The following NCOR2 variants were observed in gnomAD, a reference collection of about 807,000 sequenced individuals.
The protein encoded by NCOR2 is CTG repeat protein 26.
NCOR2 carries 81 observed loss-of-function variants against 262.9 expected under a neutral mutation model. That is an observed-to-expected ratio of 0.31 (90% CI 0.26 to 0.37). The LOEUF (loss-of-function observed/expected upper bound fraction) is 0.37, where lower values mean the gene tolerates loss of function less well. Among genes scored for constraint, NCOR2 ranks in the 10% least tolerant of loss-of-function variants. The pLI, the probability that NCOR2 is intolerant of heterozygous loss-of-function variation, is 1.00. For missense variants in NCOR2, 3,385 were observed against 3,621.4 expected (o/e 0.93, Z 1.68); for synonymous variants, 1,659 against 1,559.3 (o/e 1.06, Z -1.51).
At chr12:124,355,501 G>A in exon 24 of NCOR2, 1 of 1,610,068 alleles carries the variant, frequency 6.2e-7, no homozygotes, top group African/African-American at 1.3e-5. Flanking sequence ...GGGGAGGCGG[G>A]TTGGAGATGG....
chr12:124,354,460 G>C lies in NCOR2; in HGVS notation c.3589+18C>G. 6.7e-7 allele frequency: 1 copy of C among 1,497,300 alleles called. No individual in the cohort carries two copies. Among genetic ancestry groups the C allele is most frequent in the Non-Finnish European group, 8.9e-7 (1 of 1,128,224 alleles). 92.8% of individuals were successfully genotyped at this position (1,497,300 alleles called of 1,614,324 possible). A position where few individuals can be genotyped will look rare whatever the true frequency, so the allele number is the denominator to read the frequency against. On this transcript the variant is annotated intron_variant, in intron 26 of 46. Coordinates refer to ENST00000405201, the Ensembl canonical transcript of NCOR2. Reference sequence around the variant, plus strand: ...AACAGGGGCAGATGCTGGGGGCCCAGGGCAGAAGGGCCCTCACCTCTCAGC... The same window carrying C: ...AACAGGGGCAGATGCTGGGGGCCCACGGCAGAAGGGCCCTCACCTCTCAGC...
chr12:124,425,882 G>A (rs2043513100), intron 11 of NCOR2, among the ~76,000 whole-genome samples: 1 of 152,172 alleles, frequency 6.6e-6, no homozygotes, highest in Non-Finnish European at 1.5e-5. Flanking sequence ...GTACTGGGGT[G>A]GGCCTGGCTG....
At chr12:124,497,394 C>T (rs887388925), upstream of NCOR2, among the ~76,000 whole-genome samples, 1 of 152,200 alleles carries the variant, frequency 6.6e-6, no homozygotes, top group African/African-American at 2.4e-5. The surrounding 1 kb of genome is among the most constrained non-coding windows in gnomAD (Gnocchi z 4.2). Flanking sequence ...AGTCACTTGC[C>T]CTCTCTGAAC....
At chr12:124,366,194 A>G (rs2135989288) in intron 20 of NCOR2, among the ~76,000 whole-genome samples, 1 of 152,310 alleles carries the variant, frequency 6.6e-6, no homozygotes, top group Non-Finnish European at 1.5e-5. Flanking sequence ...ACAACCCGAC[A>G]TCCACCAAGA....
intron 13 of NCOR2, among the ~76,000 whole-genome samples, chr12:124,411,779 C>G (rs1027404502): frequency 6.6e-6 from 1 of 152,210 alleles, no homozygotes; most frequent in Non-Finnish European, 1.5e-5. Flanking sequence ...TGATGGGGCT[C>G]GGAGCCCAAG....
At chr12:124,418,478 CG>C (rs10718890) in intron 13 of NCOR2, among the ~76,000 whole-genome samples, 138,441 of 152,208 alleles carry the variant, frequency 0.91, 63,509 homozygotes, top group Non-Finnish European at 0.97. Context: ...AAAGGGAAGG[CG>C]GGGCAGCTCT....
At chr12:124,418,060 C>CAA (rs56362015) in intron 13 of NCOR2, among the ~76,000 whole-genome samples, 7 of 86,906 alleles carry the variant, frequency 8.1e-5, no homozygotes, top group East Asian at 2.8e-4. Context: ...AACTCCATCT[C>CAA]AAAAAAAAAA....
At position 124,385,901 on chromosome 12, in the gene NCOR2, G is replaced by GGAGGGCAGTGAGAA. The variant is rs2040765395; in HGVS notation, c.1877-28_1877-15dup. ...GTTCCAGGAGACCTGTCTCAGGAGAGGAGGGCAGTGAGAAGAGGCCAGGCC... is the reference window on the plus strand; with the variant it reads ...GTTCCAGGAGACCTGTCTCAGGAGAGGAGGGCAGTGAGAAGAGGGCAGTGAGAAGAGGCCAGGCC... On this transcript the variant is annotated splice_polypyrimidine_tract_variant and intron_variant, in intron 16 of 46. Transcript: ENST00000405201. 2 of 1,611,928 alleles carry GGAGGGCAGTGAGAA rather than the reference G, an allele frequency of 1.2e-6. No individual in the cohort carries two copies. The highest frequency in any genetic ancestry group is 4.5e-5 in the East Asian group (2 of 44,844).
chr12:124,348,369 G>A, intron 28 of NCOR2, 55 bp from the exon 31 acceptor site: 3 of 1,545,344 alleles, frequency 1.9e-6, no homozygotes, highest in South Asian at 2.5e-5. Flanking sequence ...CAGGACCACG[G>A]TGGGCAGGCA....
rs564899517 is a variant in NCOR2, at chr12:124,390,992, C to T, written c.1877-5105G>A. Reference sequence around the variant, plus strand: ...TTGGGGCCCCGCTGGGCTAATCCTCCTCTGGGCACCCATGGGGCAGCGTCC... The same window carrying T: ...TTGGGGCCCCGCTGGGCTAATCCTCTTCTGGGCACCCATGGGGCAGCGTCC... On this transcript the variant is annotated intron_variant, in intron 16 of 46. Transcript: ENST00000405201. Among the ~76,000 whole-genome samples the T allele has an allele frequency of 6.6e-5, 10 of 152,370 alleles. No individual in the cohort carries two copies. The East Asian group carries it at 1.7e-3, about 26-fold the overall frequency.
chr12:124,354,233 G>A (rs1305050342), intron 26 of NCOR2, 37 bp from the exon 29 acceptor site: 1 of 1,540,612 alleles, frequency 6.5e-7, no homozygotes, highest in Non-Finnish European at 8.7e-7. Context: ...GGGCGTGTCT[G>A]TGGCCCTTCC....
chr12:124,448,723 C>T (rs1259851237), intron 7 of NCOR2, among the ~76,000 whole-genome samples: 7 of 151,208 alleles, frequency 4.6e-5, no homozygotes, highest in East Asian at 1.9e-4. Context: ...ATCTCCCCGT[C>T]GACTAGTCCA....
intron 1 of NCOR2, among the ~76,000 whole-genome samples, chr12:124,515,092 T>C (rs701040): frequency 1 from 152,171 of 152,304 alleles, 76,020 homozygotes; most frequent in Middle Eastern, 1. Flanking sequence ...CAGCCTGGGA[T>C]GCTCTGGAGC....
chr12:124,350,888 A>G, intron 27 of NCOR2, 151 bp from the exon 30 acceptor site: 1 of 832,108 alleles, frequency 1.2e-6, no homozygotes, highest in Non-Finnish European at 1.8e-6. Flanking sequence ...AAGAGTTTGC[A>G]TGGAACAAAA....
exon 5 of NCOR2, chr12:124,466,182 G>A (rs577413091): frequency 2.5e-4 from 407 of 1,607,802 alleles, no homozygotes; most frequent in Non-Finnish European, 3.2e-4. Context: ...CCCGGTTCTC[G>A]TCGTAGATGA....
chr12:124,418,914 G>A lies in NCOR2; in HGVS notation c.1482+1043C>T, dbSNP rs192534299. Among the ~76,000 whole-genome samples the A allele has an allele frequency of 8.5e-5, 13 of 152,190 alleles. No homozygotes were observed. The South Asian group carries it at 2.1e-3, about 24-fold the overall frequency. On this transcript the variant is annotated intron_variant, in intron 13 of 46. Coordinates refer to ENST00000405201, the Ensembl canonical transcript of NCOR2. ...TTTGCAAGGACGCTCCACGCGGCTCGTGCTATTCTTGGCCTTTGTCACTCT... is the reference window on the plus strand; with the variant it reads ...TTTGCAAGGACGCTCCACGCGGCTCATGCTATTCTTGGCCTTTGTCACTCT...
At chr12:124,502,636 T>G (rs2048810132) in intron 1 of NCOR2, among the ~76,000 whole-genome samples, 1 of 152,056 alleles carries the variant, frequency 6.6e-6, no homozygotes, top group South Asian at 2.1e-4. Context: ...AGCGAAGGCA[T>G]GTGAGGTCAC....
At chr12:124,507,915 C>T (rs1053962745) in intron 1 of NCOR2, among the ~76,000 whole-genome samples, 1 of 152,260 alleles carries the variant, frequency 6.6e-6, no homozygotes, top group Non-Finnish European at 1.5e-5. Context: ...CGCCTCCTCC[C>T]GCTTCTCCTC....
At position 124,549,106 on chromosome 12, in the gene NCOR2, T is replaced by C. The variant is rs1298311542; in HGVS notation, c.-164-13495A>G. ...GTCTATGGGGTAAATATTGTCAGGG[T>C]GGTTGGGATGCAGTGTGGCGCTGAG... is the stretch of plus-strand genomic sequence containing the variant. On this transcript the variant is annotated intron_variant, in intron 1 of 32. Coordinates refer to the NCOR2 transcript ENST00000458234. This position sits in a 1 kb window ranked among gnomAD's most constrained non-coding sequence, Gnocchi z 4.4. Among the ~76,000 whole-genome samples, 1 of 149,792 alleles carries C rather than the reference T, an allele frequency of 6.7e-6. No individual in the cohort carries two copies. Among genetic ancestry groups the C allele is most frequent in the Admixed American group, 6.6e-5 (1 of 15,038 alleles).
Sources: allele counts gnomAD v4.1 joint callset (sites outside exome capture counted in the v4.1 genomes callset), GRCh38; gene constraint gnomAD v4.1.1; non-coding constraint Gnocchi (gnomAD v3.1); transcripts MANE v1.5; gene names NCBI Gene and HGNC (gene_info 2026-07-23, HGNC 2026-07-21).